FRMD1: variants seen among roughly 807,000 people sequenced by gnomAD.
FRMD1 encodes FERM domain-containing protein 1.
In FRMD1, 51 loss-of-function variants were observed where a neutral mutation model predicts 54.9. The observed-to-expected ratio is 0.93, with a 90% CI of 0.74 to 1.17. FRMD1 has a LOEUF of 1.17. Among genes scored for constraint, FRMD1 ranks in the 50% most tolerant of loss-of-function variants. FRMD1 has a pLI of 0.00. For synonymous variants in FRMD1, 324 were observed against 306.4 expected (o/e 1.06, Z -0.60); for missense variants, 729 against 743.0 (o/e 0.98, Z 0.22).
At chr6:168,074,154 T>G (rs558806658) in intron 2 of FRMD1, among the ~76,000 whole-genome samples, 1 of 152,164 alleles carries the variant, frequency 6.6e-6, no homozygotes, top group South Asian at 2.1e-4. Context: ...CATGAAGCAC[T>G]TTGGGTTCTC....
In FRMD1 at chr6:168,078,849, T is replaced by C. The variant is rs757066674; in HGVS notation, c.213+33A>G. 264 of 1,204,606 alleles carry C rather than the reference T, an allele frequency of 2.2e-4. No homozygotes were observed. The African/African-American group carries it at 3.4e-3, about 16-fold the overall frequency. The allele number at this position is 1,204,606 out of a possible 1,614,324, so 74.6% of individuals were successfully genotyped here. On this transcript the variant is annotated intron_variant, in intron 1 of 10. Transcript: ENST00000283309. ...AGCCCTGCTCACCCCCACAGCTCTG[T>C]TTACCCCCACGGCCACCCAGGGCCC... is the stretch of plus-strand genomic sequence containing the variant.
intron 4 of FRMD1, chr6:168,065,278 G>T: frequency 7.6e-7 from 1 of 1,322,086 alleles, no homozygotes; most frequent in Non-Finnish European, 9.6e-7. Context: ...CTGCCACCAA[G>T]GAGCCACTAG....
chr6:168,064,946 C>T lies in FRMD1; in HGVS notation c.573G>A (p.Gln191=). 1 of 1,611,464 alleles carries T rather than the reference C, an allele frequency of 6.2e-7. No homozygotes were observed. Among genetic ancestry groups the T allele is most frequent in the Non-Finnish European group, 8.5e-7 (1 of 1,179,498 alleles). Residue 191 remains glutamine, a synonymous_variant, in exon 5 of 11, where the codon CAG becomes CAA. Transcript: ENST00000283309. ...AYFLLAACAL[Q]ADLGEHRESA... ...ACTCCCGGTGCTCGCCCAGGTCAGC[C>T]TGCAGCGCGCAGGCAGCCAGCAGGA...
chr6:168,074,655 G>A (rs1378155142), intron 2 of FRMD1, among the ~76,000 whole-genome samples: 4 of 150,744 alleles, frequency 2.7e-5, no homozygotes, highest in Non-Finnish European at 5.9e-5. Flanking sequence ...GTGTGTGCAT[G>A]TGTGTGGTGT....
chr6:168,073,632 G>A (rs192416501), intron 2 of FRMD1, among the ~76,000 whole-genome samples: 7 of 152,234 alleles, frequency 4.6e-5, no homozygotes, highest in East Asian at 3.9e-4. Context: ...GGCCACCCGC[G>A]CTGAGGGAAA....
At chr6:168,072,345 G>A (rs906171697) in intron 2 of FRMD1, among the ~76,000 whole-genome samples, 1 of 152,214 alleles carries the variant, frequency 6.6e-6, no homozygotes, top group African/African-American at 2.4e-5. Flanking sequence ...CAGGGGCTGT[G>A]CCTGAACTCC....
chr6:168,058,267 T>A (rs866162314), intron 10 of FRMD1, among the ~76,000 whole-genome samples: 1 of 127,458 alleles, frequency 7.8e-6, no homozygotes, highest in African/African-American at 3.0e-5. Context: ...TCTCTCTCCA[T>A]CCAGCCTCCC....
At chr6:168,084,548 T>C (rs9346521), upstream of FRMD1, among the ~76,000 whole-genome samples, 133,041 of 152,140 alleles carry the variant, frequency 0.87, 58,232 homozygotes, top group South Asian at 0.91. Context: ...AGATGCAGTC[T>C]CGTGGGGGAG....
upstream of FRMD1, chr6:168,079,301 G>T: frequency 1.0e-6 from 1 of 961,434 alleles, no homozygotes; most frequent in Non-Finnish European, 1.4e-6. Flanking sequence ...AGGGCGCCAG[G>T]AATGCAAATA....
At chr6:168,066,857 C>T (rs751640144) in intron 3 of FRMD1, 26 bp from the exon 4 acceptor site, 2 of 1,609,078 alleles carry the variant, frequency 1.2e-6, no homozygotes, top group Non-Finnish European at 1.7e-6. Context: ...CAAGAAAGAG[C>T]AAGTGAGCCG....
At chr6:168,075,870 GCCCGGTGT>G in intron 1 of FRMD1, 13 of 1,317,956 alleles carry the variant, frequency 9.9e-6, no homozygotes, top group East Asian at 2.9e-5. Flanking sequence ...CATTTCCGGT[GCCCGGTGT>G]CCACATTTCC....
intron 1 of FRMD1, among the ~76,000 whole-genome samples, chr6:168,076,046 T>G (rs1388179382): frequency 6.6e-6 from 1 of 152,204 alleles, no homozygotes; most frequent in South Asian, 2.1e-4. Flanking sequence ...GGGCATCCCC[T>G]GCAGAGCTCT....
At chr6:168,079,495 C>G (rs995347921), upstream of FRMD1, among the ~76,000 whole-genome samples, 1 of 152,204 alleles carries the variant, frequency 6.6e-6, no homozygotes, top group Non-Finnish European at 1.5e-5. Flanking sequence ...GCTATGCAAA[C>G]CCCATGGGCA....
intron 5 of FRMD1, 52 bp from the exon 6 acceptor site, chr6:168,063,808 T>A: frequency 3.9e-6 from 6 of 1,542,074 alleles, no homozygotes; most frequent in Non-Finnish European, 5.3e-6. Flanking sequence ...CCCCCCTTCC[T>A]CCTTGCCAGC....
At position 168,057,343 on chromosome 6, in the gene FRMD1, C is replaced by T. The variant is rs201032714; in HGVS notation, c.1408-4G>A. The T allele has an allele frequency of 1.1e-3, 1,719 of 1,608,500 alleles. 2 individuals are homozygous for T. Among genetic ancestry groups the T allele is most frequent in the Non-Finnish European group, 1.3e-3 (1,497 of 1,179,684 alleles). ...CCCCGGCTGTCATTTCCTGGATCTGCGGGGAGAGGCCATGGGATGAGGCCT... is the reference window on the plus strand; with the variant it reads ...CCCCGGCTGTCATTTCCTGGATCTGTGGGGAGAGGCCATGGGATGAGGCCT... On this transcript the variant is annotated splice_region_variant and splice_polypyrimidine_tract_variant and intron_variant, in intron 10 of 10. Coordinates refer to ENST00000283309, the MANE Select transcript of FRMD1 (RefSeq NM_024919.6).
chr6:168,061,662 G>A (rs572909586), intron 8 of FRMD1, 145 bp downstream of exon 8: 43 of 878,830 alleles, frequency 4.9e-5, no homozygotes, highest in Admixed American at 8.3e-5. Context: ...TTCGCCCTTC[G>A]ACCTCAGCAT....
chr6:168,066,905 G>T (rs1276036536), intron 3 of FRMD1, 74 bp from the exon 4 acceptor site: 10 of 1,575,136 alleles, frequency 6.3e-6, no homozygotes, highest in African/African-American at 1.4e-5. Context: ...TTCCCAGTTG[G>T]GGGGGCCTGG....
At chr6:168,085,739 C>T (rs1403739027), upstream of FRMD1, among the ~76,000 whole-genome samples, 1 of 148,648 alleles carries the variant, frequency 6.7e-6, no homozygotes, top group Non-Finnish European at 1.5e-5. Flanking sequence ...CCCTATCGCC[C>T]AGCCATAGCA....
intron 2 of FRMD1, among the ~76,000 whole-genome samples, chr6:168,069,903 T>G (rs1008829184): frequency 3.9e-5 from 6 of 152,170 alleles, no homozygotes; most frequent in African/African-American, 1.4e-4. Flanking sequence ...GCAGTCTAGA[T>G]GTCACTGTGA....
Sources: allele counts gnomAD v4.1 joint callset (sites outside exome capture counted in the v4.1 genomes callset), GRCh38; gene constraint gnomAD v4.1.1; transcripts MANE v1.5; gene names NCBI Gene and HGNC (gene_info 2026-07-23, HGNC 2026-07-21).